Variants in NCR1 observed in about 807,000 individuals in gnomAD.
NCR1 encodes NK cell-activating receptor.
In NCR1, 30 loss-of-function variants were observed where a neutral mutation model predicts 32.5. The observed-to-expected ratio is 0.92, with a 90% CI of 0.69 to 1.25. NCR1 has a LOEUF of 1.25. NCR1 is among the 50% of genes most tolerant of loss of function. The pLI is 0.00. For missense variants in NCR1, 369 were observed against 380.7 expected (o/e 0.97, Z 0.26); for synonymous variants, 169 against 143.4 (o/e 1.18, Z -1.28).
At chr19:54,913,285 C>T (rs897497937), downstream of NCR1, 2 of 156,252 alleles carry the variant, frequency 1.3e-5, no homozygotes, top group African/African-American at 4.8e-5. Context: ...AACTCCTGAC[C>T]TCAAGTGATC....
chr19:54,900,591 C>T, the NCR1 span, among the ~76,000 whole-genome samples: 737 of 152,222 alleles, frequency 4.8e-3, 5 homozygotes, highest in African/African-American at 0.016. Context: ...GGCTCAGAGG[C>T]CTGACAGTCT....
At chr19:54,928,527 T>C in the NCR1 span, among the ~76,000 whole-genome samples, 1 of 152,176 alleles carries the variant, frequency 6.6e-6, no homozygotes, top group Non-Finnish European at 1.5e-5. Flanking sequence ...ATATGTTCTA[T>C]TGAAGACAAT....
the NCR1 span, among the ~76,000 whole-genome samples, chr19:54,931,378 G>A: frequency 6.6e-6 from 1 of 152,194 alleles, no homozygotes; most frequent in African/African-American, 2.4e-5. Context: ...CCAAAGTGGT[G>A]AAACCCCATC....
At chr19:54,930,115 C>CAAAA in the NCR1 span, among the ~76,000 whole-genome samples, 2 of 100,562 alleles carry the variant, frequency 2.0e-5, no homozygotes, top group Non-Finnish European at 4.0e-5. Context: ...GGCTCCGTCT[C>CAAAA]AAAAAAAAAA....
At position 54,909,572 on chromosome 19, in the gene NCR1, G is replaced by A. The variant is rs759799026; in HGVS notation, c.634+49G>A. Reference sequence around the variant, plus strand: ...CACCCTTCGCCGCCATGTGCTACCTGGAGCCCTGAGGGATCCCCAGAGAGT... The same window carrying A: ...CACCCTTCGCCGCCATGTGCTACCTAGAGCCCTGAGGGATCCCCAGAGAGT... On this transcript the variant is annotated intron_variant, in intron 4 of 6. Transcript: ENST00000291890. The A allele has an allele frequency of 3.2e-6, 5 of 1,559,380 alleles. No individual in the cohort carries two copies. The African/African-American group carries it at 5.4e-5, about 17-fold the overall frequency.
chr19:54,909,554 C>T (rs940767925), intron 4 of NCR1, 31 bp downstream of exon 4: 12 of 1,584,944 alleles, frequency 7.6e-6, no homozygotes, highest in South Asian at 4.5e-5. Flanking sequence ...CCACACCCTT[C>T]GCCGCCATGT....
chr19:54,903,592 A>T (rs1348273540), upstream of NCR1, among the ~76,000 whole-genome samples: 2 of 149,066 alleles, frequency 1.3e-5, no homozygotes, highest in Non-Finnish European at 3.0e-5. Context: ...ATATACATGT[A>T]TGTGTATATA....
the NCR1 span, among the ~76,000 whole-genome samples, chr19:54,926,905 G>A: frequency 1.2e-4 from 14 of 118,156 alleles, no homozygotes; most frequent in Admixed American, 5.6e-4. Context: ...GACAGAGAGA[G>A]ACTCTGTCTT....
rs1387632984 is a variant in NCR1 at position 54,912,188 on chromosome 19, C to T, written c.703C>T (p.Leu235Phe). ...TFPADTWGTYLLTTETGLQKD... is the reference protein window; with the variant it reads ...TFPADTWGTYFLTTETGLQKD... ...ATCAGCAGACACTTGGGGCACCTACCTTTTAACCACAGAGACGGGACTCCA... is the reference window on the plus strand; with the variant it reads ...ATCAGCAGACACTTGGGGCACCTACTTTTTAACCACAGAGACGGGACTCCA... The change falls in exon 6 of 7, where the codon CTT becomes TTT. Residue 235 changes from leucine to phenylalanine, a missense_variant. Physicochemically the swap from Leu to Phe is conservative, Grantham distance 22. Coordinates refer to ENST00000291890, the MANE Select transcript of NCR1 (RefSeq NM_004829.7). 6.2e-7 allele frequency: 1 copy of T among 1,613,920 alleles called. No individual in the cohort carries two copies. The highest frequency in any genetic ancestry group is 1.7e-5 in the Admixed American group (1 of 59,986).
the NCR1 span, among the ~76,000 whole-genome samples, chr19:54,932,582 C>G: frequency 6.6e-6 from 1 of 152,150 alleles, no homozygotes; most frequent in Admixed American, 6.6e-5. Context: ...TAACAAGATT[C>G]AGCCAACTAT....
At chr19:54,917,532 G>T (rs2068160589), downstream of NCR1, among the ~76,000 whole-genome samples, 1 of 151,970 alleles carries the variant, frequency 6.6e-6, no homozygotes, top group Non-Finnish European at 1.5e-5. Context: ...TGTTAGCCAG[G>T]TTGGTCTTGA....
At chr19:54,916,875 C>T (rs1472045249), downstream of NCR1, among the ~76,000 whole-genome samples, 6 of 151,534 alleles carry the variant, frequency 4.0e-5, no homozygotes, top group Non-Finnish European at 8.8e-5. Context: ...AGAAGACCCA[C>T]GCTCCCTAAG....
At chr19:54,911,274 G>A (rs964054261) in intron 5 of NCR1, among the ~76,000 whole-genome samples, 18 of 151,664 alleles carry the variant, frequency 1.2e-4, no homozygotes, top group African/African-American at 7.3e-5. Flanking sequence ...GCGTGAACCC[G>A]GGAGACGGAG....
At chr19:54,923,014 G>A in the NCR1 span, among the ~76,000 whole-genome samples, 1,838 of 151,926 alleles carry the variant, frequency 0.012, 37 homozygotes, top group African/African-American at 0.041. Flanking sequence ...AGTAGGAGGC[G>A]GCCCGTGGGA....
At chr19:54,913,576 A>T (rs981350545), downstream of NCR1, among the ~76,000 whole-genome samples, 2 of 152,158 alleles carry the variant, frequency 1.3e-5, no homozygotes, top group Admixed American at 6.6e-5. Flanking sequence ...AATATAGAAT[A>T]GGTCTGTATC....
chr19:54,927,482 AGAGGCAGAGGTTGCGGT>A, the NCR1 span: 1 of 868,368 alleles, frequency 1.2e-6, no homozygotes, highest in South Asian at 1.4e-5. Context: ...CTTGAACCTG[AGAGGCAGAGGTTGCGGT>A]GAGCCAAGAT....
At chr19:54,925,630 G>A in the NCR1 span, among the ~76,000 whole-genome samples, 1 of 152,270 alleles carries the variant, frequency 6.6e-6, no homozygotes, top group East Asian at 1.9e-4. Flanking sequence ...CGGCCACACA[G>A]TGCAGCAGAG....
chr19:54,909,323 G>C lies in NCR1; in HGVS notation c.434G>C (p.Arg145Pro). Reference sequence around the variant, plus strand: ...GGAGAGAAGGTGACCTTCTACTGCCGTCTAGACACTGCAACAAGCATGTTC... The same window carrying C: ...GGAGAGAAGGTGACCTTCTACTGCCCTCTAGACACTGCAACAAGCATGTTC... ...ISGEKVTFYCRLDTATSMFLL... is the reference protein window; with the variant it reads ...ISGEKVTFYCPLDTATSMFLL... The change falls in exon 4 of 7, where the codon CGT becomes CCT. Residue 145 changes from arginine (R) to proline (P), a missense_variant. Physicochemically the swap from Arg to Pro is moderately radical, Grantham distance 103. Transcript: ENST00000291890. The C allele has an allele frequency of 6.2e-7, 1 of 1,614,060 alleles. No homozygotes were observed. Among genetic ancestry groups the C allele is most frequent in the Non-Finnish European group, 8.5e-7 (1 of 1,180,018 alleles).
At chr19:54,910,151 TC>T in intron 5 of NCR1, 86 bp downstream of exon 5, 1 of 1,375,936 alleles carries the variant, frequency 7.3e-7, no homozygotes, top group East Asian at 2.3e-5. Context: ...AAAATATTCA[TC>T]GAGGCCAGGC....
Sources: allele counts gnomAD v4.1 joint callset (sites outside exome capture counted in the v4.1 genomes callset), GRCh38; gene constraint gnomAD v4.1.1; transcripts MANE v1.5; gene names NCBI Gene and HGNC (gene_info 2026-07-23, HGNC 2026-07-21).